KCNH8: variants seen among roughly 807,000 people sequenced by gnomAD.
KCNH8 encodes the protein voltage-gated delayed rectifier potassium channel KCNH8.
KCNH8 carries 70 observed loss-of-function variants against 103.6 expected under a neutral mutation model. The ratio of observed to expected loss-of-function variants is 0.68; its 90% CI spans 0.56 to 0.82. KCNH8 has a LOEUF of 0.82. Ranked by LOEUF, KCNH8 falls within the 40% of genes least tolerant of loss-of-function variation. The pLI is 0.00. For missense variants in KCNH8, 1,217 were observed against 1,329.9 expected, an observed-to-expected ratio of 0.92 and a Z score of 1.32; for synonymous variants, 498 against 489.4, an observed-to-expected ratio of 1.02 and a Z score of -0.23.
At chr3:19,157,909 CTTTTGATTTTTA>C (rs971668263) in intron 1 of KCNH8, among the ~76,000 whole-genome samples, 1 of 151,400 alleles carries the variant, frequency 6.6e-6, no homozygotes, top group Non-Finnish European at 1.5e-5. Context: ...TTTGGTTGGT[CTTTTGATTTTTA>C]TATAGATGAA....
chr3:19,363,308 A>G (rs942463927), intron 5 of KCNH8, among the ~76,000 whole-genome samples: 11 of 152,122 alleles, frequency 7.2e-5, no homozygotes, highest in African/African-American at 2.4e-4. Flanking sequence ...CTCTCTTCCA[A>G]TCTTCCATCA....
intron 2 of KCNH8, among the ~76,000 whole-genome samples, chr3:19,255,268 C>A (rs1340190128): frequency 2.0e-5 from 3 of 152,088 alleles, no homozygotes; most frequent in Admixed American, 6.6e-5. Flanking sequence ...AAATTTCTAT[C>A]GTTTAAGCTA....
intron 1 of KCNH8, among the ~76,000 whole-genome samples, chr3:19,186,320 G>A (rs1005120711): frequency 1.3e-5 from 2 of 149,398 alleles, no homozygotes; most frequent in Admixed American, 6.7e-5. Context: ...AAATTGCAAC[G>A]CACCATTACT....
chr3:19,391,826 ATTGAAT>A (rs1316470231), intron 6 of KCNH8: 1 of 151,956 alleles, frequency 6.6e-6, no homozygotes, highest in Non-Finnish European at 1.5e-5. Flanking sequence ...GCTTTTTAAG[ATTGAAT>A]TTGACTAGAT....
intron 1 of KCNH8, among the ~76,000 whole-genome samples, chr3:19,189,244 ACT>A (rs2063529505): frequency 6.6e-6 from 1 of 152,064 alleles, no homozygotes; most frequent in Admixed American, 6.6e-5. Context: ...AATATTCAAT[ACT>A]GAGTTAATTT....
intron 1 of KCNH8, among the ~76,000 whole-genome samples, chr3:19,237,042 T>C (rs370447129): frequency 1.3e-5 from 2 of 152,242 alleles, no homozygotes; most frequent in East Asian, 1.9e-4. Flanking sequence ...ACAGTTCTTA[T>C]GGCCAAATTA....
chr3:19,151,424 G>A lies in KCNH8; in HGVS notation c.76+2629G>A, dbSNP rs2063128535. 2.0e-5 allele frequency among the ~76,000 whole-genome samples: 3 copies of A among 151,814 alleles called. No individual in the cohort carries two copies. The South Asian group carries it at 6.2e-4, about 32-fold the overall frequency. The stretch of plus-strand genomic sequence containing the variant: ...TGAAGTATATTTTACGGTCATGCTA[G>A]TTTCTTATTTTATTTTGGACAATTT... On this transcript the variant is annotated intron_variant, in intron 1 of 15. Transcript: ENST00000328405.
At chr3:19,180,906 A>G (rs2063446225) in intron 1 of KCNH8, among the ~76,000 whole-genome samples, 1 of 152,166 alleles carries the variant, frequency 6.6e-6, no homozygotes, top group African/African-American at 2.4e-5. Flanking sequence ...GAGAAAGGAT[A>G]TTGGTCAGAG....
intron 5 of KCNH8, among the ~76,000 whole-genome samples, chr3:19,357,158 G>T (rs1322931819): frequency 6.6e-6 from 1 of 151,742 alleles, no homozygotes; most frequent in Non-Finnish European, 1.5e-5. Flanking sequence ...GATATAAAGA[G>T]ATTGTTTTGG....
At chr3:19,360,704 C>G (rs1430427480) in intron 5 of KCNH8, among the ~76,000 whole-genome samples, 1 of 151,936 alleles carries the variant, frequency 6.6e-6, no homozygotes, top group South Asian at 2.1e-4. Flanking sequence ...TTTTATATAT[C>G]TCTGATACTG....
In KCNH8 at chr3:19,309,003, A is replaced by T. The variant is rs74327290; in HGVS notation, c.442+27674A>T. On this transcript the variant is annotated intron_variant, in intron 3 of 15. Transcript: ENST00000328405. ...AACAACAGCTTCAGGCCTGGAAATA[A>T]CACCAAATCACAACTCTGTAGTGCT... Among the ~76,000 whole-genome samples, 309 of 151,906 alleles carry T rather than the reference A, an allele frequency of 2.0e-3. 1 individual carries two copies. Among genetic ancestry groups the T allele is most frequent in the African/African-American group, 7.3e-3 (301 of 41,460 alleles).
intron 2 of KCNH8, among the ~76,000 whole-genome samples, chr3:19,264,375 G>A (rs377324274): frequency 3.7e-4 from 56 of 151,946 alleles, no homozygotes; most frequent in East Asian, 2.7e-3. Flanking sequence ...TCTTCTTTTC[G>A]TCTATCTGAA....
In KCNH8 at chr3:19,501,724, C is replaced by A. The variant is rs562169287; in HGVS notation, c.2041-8639C>A. 2.6e-5 allele frequency among the ~76,000 whole-genome samples: 4 copies of A among 152,304 alleles called. No homozygotes were observed. In the East Asian group the frequency reaches 7.7e-4, roughly 29 times the overall value. ...AGAAAAGGCCCTTGACAAAATTCAA[C>A]AACCTTCATGCTAAAAACTCTCAAT... On this transcript the variant is annotated intron_variant, in intron 11 of 15. Transcript: ENST00000328405.
At chr3:19,242,258 A>G (rs1007435178) in intron 1 of KCNH8, among the ~76,000 whole-genome samples, 2 of 152,168 alleles carry the variant, frequency 1.3e-5, no homozygotes, top group African/African-American at 2.4e-5. Context: ...CAGGTGTTAA[A>G]TCCACATGTG....
chr3:19,196,675 C>T (rs902692570), intron 1 of KCNH8, among the ~76,000 whole-genome samples: 4 of 151,934 alleles, frequency 2.6e-5, no homozygotes, highest in African/African-American at 7.2e-5. Flanking sequence ...TTCCTTTCTC[C>T]GCCGTGGAAG....
intron 15 of KCNH8, among the ~76,000 whole-genome samples, chr3:19,528,970 A>G (rs2069112322): frequency 6.6e-6 from 1 of 152,100 alleles, no homozygotes; most frequent in African/African-American, 2.4e-5. Flanking sequence ...TGCTGAGAAA[A>G]TTAAGTATTA....
At chr3:19,171,605 G>A (rs1424131028) in intron 1 of KCNH8, among the ~76,000 whole-genome samples, 3 of 152,156 alleles carry the variant, frequency 2.0e-5, no homozygotes, top group South Asian at 2.1e-4. Context: ...AAGATGCTGT[G>A]AATGACAGCT....
intron 7 of KCNH8, among the ~76,000 whole-genome samples, chr3:19,435,826 A>G (rs13061887): frequency 0.67 from 101,604 of 152,020 alleles, 34,369 homozygotes; most frequent in African/African-American, 0.73. Flanking sequence ...TGAACCTAAA[A>G]CATGTTAATT....
chr3:19,283,941 CAAA>C (rs549944584), intron 3 of KCNH8, among the ~76,000 whole-genome samples: 3 of 78,916 alleles, frequency 3.8e-5, no homozygotes, highest in Admixed American at 2.9e-4. Flanking sequence ...GACCCTGTCT[CAAA>C]AAAAAAAAAG....
Sources: allele counts gnomAD v4.1 joint callset (sites outside exome capture counted in the v4.1 genomes callset), GRCh38; gene constraint gnomAD v4.1.1; transcripts MANE v1.5; gene names NCBI Gene and HGNC (gene_info 2026-07-23, HGNC 2026-07-21).